Variants in USP13 observed in about 807,000 individuals in gnomAD.
The protein encoded by USP13 is ubiquitin specific peptidase 13, also known as ubiquitin carboxyl-terminal hydrolase 13.
Under a neutral mutation model 107.8 loss-of-function variants are expected in USP13, and 68 were observed. The ratio of observed to expected loss-of-function variants is 0.63; its 90% CI spans 0.52 to 0.77. The LOEUF is 0.77. Ranked by LOEUF, USP13 falls within the 30% of genes least tolerant of loss-of-function variation. The pLI, the probability that USP13 is intolerant of heterozygous loss-of-function variation, is 0.00. For missense variants in USP13, 945 were observed against 1,093.3 expected (o/e 0.86, Z 1.91); for synonymous variants, 377 against 389.5 (o/e 0.97, Z 0.38).
At chr3:179,661,910 C>T (rs763613872) in intron 1 of USP13, among the ~76,000 whole-genome samples, 6 of 152,186 alleles carry the variant, frequency 3.9e-5, no homozygotes, top group Non-Finnish European at 5.9e-5. Flanking sequence ...GTTTTCCTAG[C>T]AGCATCTGAG....
At chr3:179,657,762 C>CAAA (rs35377039) in intron 1 of USP13, among the ~76,000 whole-genome samples, 4,329 of 72,720 alleles carry the variant, frequency 0.06, 388 homozygotes, top group African/African-American at 0.17. Flanking sequence ...AATTCCGTCT[C>CAAA]AAAAAAAAAA....
chr3:179,693,694 G>A (rs1018133427), intron 3 of USP13, among the ~76,000 whole-genome samples: 5 of 151,876 alleles, frequency 3.3e-5, no homozygotes, highest in African/African-American at 1.2e-4. Context: ...ATTTATTTGA[G>A]CCGGAGTCTT....
chr3:179,728,067 G>T (rs1228674520), intron 8 of USP13, among the ~76,000 whole-genome samples: 1 of 70,460 alleles, frequency 1.4e-5, no homozygotes, highest in Non-Finnish European at 3.5e-5. Flanking sequence ...CTGGCCGGGC[G>T]GGGGGCTGAC....
In USP13 at chr3:179,653,391, C is replaced by A. The variant is rs925927683; in HGVS notation, c.166C>A (p.Pro56Thr). ...CGAGTGCGCCTTCTCCTACGACTCT[C>A]CCGTAAGTGAGGCGCCTCGGGGGAG... ...KNECAFSYDSPNSEGGLYVCM... is the reference protein window; with the variant it reads ...KNECAFSYDSTNSEGGLYVCM... The change falls in exon 1 of 21, where the codon CCC (proline) becomes ACC (threonine). Residue 56 changes from proline (P) to threonine (T), a missense_variant and splice_region_variant. Coordinates refer to ENST00000263966, the MANE Select transcript of USP13 (RefSeq NM_003940.3). The surrounding 1 kb of genome is among the most constrained non-coding windows in gnomAD (Gnocchi z 4.0). 6.4e-7 allele frequency: 1 copy of A among 1,557,726 alleles called. No homozygotes were observed. Among genetic ancestry groups the A allele is most frequent in the Non-Finnish European group, 8.7e-7 (1 of 1,150,744 alleles).
At chr3:179,730,738 C>T (rs1435058454) in intron 10 of USP13, 29 bp downstream of exon 10, 1 of 1,600,964 alleles carries the variant, frequency 6.2e-7, no homozygotes. Context: ...GCCATGTTGA[C>T]ATGTAGGTAG....
chr3:179,680,617 A>T (rs1012253384), intron 1 of USP13, among the ~76,000 whole-genome samples: 1 of 151,922 alleles, frequency 6.6e-6, no homozygotes, highest in Non-Finnish European at 1.5e-5. Context: ...CACTTAGCTC[A>T]CTGCAACCTC....
chr3:179,723,458 C>CT (rs1340416258), intron 8 of USP13, among the ~76,000 whole-genome samples: 1 of 152,140 alleles, frequency 6.6e-6, no homozygotes, highest in Non-Finnish European at 1.5e-5. Flanking sequence ...ATAGTAACAA[C>CT]TGCATGCTTA....
At chr3:179,775,167 A>G (rs2108549770) in intron 19 of USP13, among the ~76,000 whole-genome samples, 1 of 152,314 alleles carries the variant, frequency 6.6e-6, no homozygotes, top group South Asian at 2.1e-4. Context: ...AGCTAGATGC[A>G]GAGTGCTGAT....
chr3:179,697,745 A>G (rs1712374837), intron 3 of USP13, among the ~76,000 whole-genome samples: 1 of 152,170 alleles, frequency 6.6e-6, no homozygotes, highest in African/African-American at 2.4e-5. Context: ...CTGTGGGGTC[A>G]TATGTGTTCA....
At chr3:179,699,747 TTTTATTTA>T (rs71628092) in intron 3 of USP13, among the ~76,000 whole-genome samples, 23,209 of 137,842 alleles carry the variant, frequency 0.17, 2,098 homozygotes, top group African/African-American at 0.21. Flanking sequence ...ATCTTATTTA[TTTTATTTA>T]TTTATTTATT....
chr3:179,761,323 C>T (rs1715004506), intron 17 of USP13, 68 bp downstream of exon 17: 3 of 1,578,096 alleles, frequency 1.9e-6, no homozygotes, highest in Non-Finnish European at 2.6e-6. Context: ...AGTCCTGGTC[C>T]TTCCAAGGTC....
chr3:179,685,647 A>AT (rs1491510234), intron 2 of USP13, among the ~76,000 whole-genome samples: 85 of 151,230 alleles, frequency 5.6e-4, no homozygotes, highest in Non-Finnish European at 1.0e-3. Context: ...AAAAAAAAAA[A>AT]GAAAGAAACA....
intron 6 of USP13, among the ~76,000 whole-genome samples, chr3:179,719,572 G>A (rs1054627909): frequency 2.0e-5 from 3 of 152,150 alleles, no homozygotes; most frequent in Non-Finnish European, 4.4e-5. Context: ...CCCTCCTCCT[G>A]TGCCCATCCC....
At chr3:179,717,112 G>A (rs1474792837) in intron 6 of USP13, among the ~76,000 whole-genome samples, 2 of 152,150 alleles carry the variant, frequency 1.3e-5, no homozygotes, top group East Asian at 1.9e-4. Flanking sequence ...GCTGGGGAGC[G>A]TGATGGATAA....
chr3:179,732,253 G>T (rs548197402), intron 10 of USP13, among the ~76,000 whole-genome samples: 16 of 152,348 alleles, frequency 1.1e-4, no homozygotes, highest in African/African-American at 3.6e-4. Flanking sequence ...GGTAGGGCTG[G>T]AGTATGGGGT....
At chr3:179,663,205 C>A (rs1235375125) in intron 1 of USP13, among the ~76,000 whole-genome samples, 13 of 152,156 alleles carry the variant, frequency 8.5e-5, no homozygotes. Context: ...TAAGATTTGG[C>A]CACTCTAGGT....
chr3:179,745,469 T>C (rs900836472), intron 13 of USP13, among the ~76,000 whole-genome samples: 26 of 151,724 alleles, frequency 1.7e-4, no homozygotes, highest in African/African-American at 6.3e-4. Context: ...AAATGTAAGG[T>C]TGTGATTTAT....
rs372657403 is a variant in USP13, at chr3:179,712,163, G to T, written c.805+3206G>T. Among the ~76,000 whole-genome samples the T allele has an allele frequency of 2.6e-5, 4 of 152,306 alleles. No homozygotes were observed. The South Asian group carries it at 6.2e-4, about 24-fold the overall frequency. ...AATGTATGCTAATAATAAAGGCCAA[G>T]AATTAATTCTATTCTTTGTGTATCT... On this transcript the variant is annotated intron_variant, in intron 6 of 20. Transcript: ENST00000263966.
At position 179,742,640 on chromosome 3, in the gene USP13, A is replaced by G. The variant is rs965918508; in HGVS notation, c.1534+290A>G. On this transcript the variant is annotated intron_variant, in intron 12 of 20. Coordinates refer to ENST00000263966, the MANE Select transcript of USP13 (RefSeq NM_003940.3). The surrounding 1 kb of genome is among the most constrained non-coding windows in gnomAD (Gnocchi z 5.0). ...AGTCAGCATAATTTTGGGGAAAATT[A>G]TTGGTAATGATGTATGTAGAAAATT... Among the ~76,000 whole-genome samples, 3 of 152,228 alleles carry G rather than the reference A, an allele frequency of 2.0e-5. No individual in the cohort carries two copies. Among genetic ancestry groups the G allele is most frequent in the African/African-American group, 7.2e-5 (3 of 41,460 alleles).
Sources: gnomAD v4.1 joint callset for allele counts (sites outside exome capture counted in the v4.1 genomes callset) on GRCh38, gnomAD v4.1.1 for gene constraint, Gnocchi (gnomAD v3.1) non-coding constraint, MANE v1.5 for transcripts, NCBI Gene and HGNC (gene_info 2026-07-23, HGNC 2026-07-21) for gene names.